Variants in DNAH7 observed in about 807,000 individuals in gnomAD.
The protein encoded by DNAH7 is dynein axonemal heavy chain 7.
DNAH7 carries 397 observed loss-of-function variants against 444.6 expected under a neutral mutation model. That is an observed-to-expected ratio of 0.89 (90% CI 0.82 to 0.97). DNAH7 has a LOEUF of 0.97. Ranked by LOEUF, DNAH7 falls within the 50% of genes least tolerant of loss-of-function variation. DNAH7 has a pLI of 0.00. For missense variants in DNAH7, 4,902 were observed against 4,800.8 expected (o/e 1.02, Z -0.62); for synonymous variants, 1,636 against 1,624.4 (o/e 1.01, Z -0.17).
intron 9 of DNAH7, among the ~76,000 whole-genome samples, chr2:196,016,081 A>G (rs546269998): frequency 1.3e-5 from 2 of 152,166 alleles, no homozygotes; most frequent in Non-Finnish European, 2.9e-5. Flanking sequence ...TGTTTTTTAA[A>G]TTTCAGCTTT....
chr2:195,980,364 T>C (rs547517820), intron 15 of DNAH7, among the ~76,000 whole-genome samples: 129 of 152,290 alleles, frequency 8.5e-4, no homozygotes, highest in African/African-American at 3.0e-3. Context: ...GACTGTAAGT[T>C]TTCTGAGGCT....
intron 12 of DNAH7, among the ~76,000 whole-genome samples, chr2:195,990,531 T>A (rs997729314): frequency 2.0e-5 from 3 of 151,864 alleles, no homozygotes; most frequent in Non-Finnish European, 4.4e-5. Context: ...ATAGTGTACA[T>A]CTGTAGTCCC....
At chr2:195,799,812 A>C (rs1322615047) in intron 54 of DNAH7, among the ~76,000 whole-genome samples, 1 of 152,236 alleles carries the variant, frequency 6.6e-6, no homozygotes, top group African/African-American at 2.4e-5. Context: ...TTCACAACTC[A>C]AAAGTAGAAA....
chr2:195,818,435 T>C (rs747290250), intron 49 of DNAH7, among the ~76,000 whole-genome samples: 1 of 152,222 alleles, frequency 6.6e-6, no homozygotes, highest in Non-Finnish European at 1.5e-5. Context: ...GGGGACCTAA[T>C]TGCTCTTACA....
At chr2:196,035,928 G>C (rs1195718042) in intron 5 of DNAH7, among the ~76,000 whole-genome samples, 1 of 151,958 alleles carries the variant, frequency 6.6e-6, no homozygotes, top group Non-Finnish European at 1.5e-5. Context: ...CCCACTTCTG[G>C]AACCCAAGCT....
At chr2:195,919,997 T>G (rs149917404) in intron 24 of DNAH7, among the ~76,000 whole-genome samples, 171 of 152,226 alleles carry the variant, frequency 1.1e-3, no homozygotes, top group Non-Finnish European at 2.0e-3. Context: ...TGTAGGCCAT[T>G]AAAGCATGGG....
At chr2:195,775,759 G>A (rs1695031672) in intron 60 of DNAH7, 87 bp downstream of exon 60, 1 of 1,394,296 alleles carries the variant, frequency 7.2e-7, no homozygotes, top group African/African-American at 1.5e-5. Context: ...ACAGAATTGT[G>A]TAAGGAAGCC....
chr2:195,954,213 T>G (rs1232076035), intron 19 of DNAH7, among the ~76,000 whole-genome samples: 1 of 152,156 alleles, frequency 6.6e-6, no homozygotes, highest in Admixed American at 6.5e-5. Flanking sequence ...GTATGTGATG[T>G]TCCCCTTCCT....
At position 195,957,255 on chromosome 2, in the gene DNAH7, A is replaced by G; in HGVS notation, c.3078+6T>C. The G allele has an allele frequency of 3.4e-6, 5 of 1,488,148 alleles. No homozygotes were observed. Among genetic ancestry groups the G allele is most frequent in the Non-Finnish European group, 4.5e-6 (5 of 1,107,844 alleles). 92.2% of individuals were successfully genotyped at this position (1,488,148 alleles called of 1,614,324 possible). A position where few individuals can be genotyped will look rare whatever the true frequency, so the allele number is the denominator to read the frequency against. ...TAATGACATTTTTGGAGATTTTTTC[A>G]CCTACCTGCATGACACTTCTCATTA... On this transcript the variant is annotated splice_donor_region_variant and intron_variant, in intron 19 of 64. Coordinates refer to ENST00000312428, the MANE Select transcript of DNAH7 (RefSeq NM_018897.3).
Position 195,777,835 on chromosome 2 carries a change from A to G in DNAH7, c.11029T>C (p.Ser3677Pro), listed in dbSNP as rs781357707. The G allele has an allele frequency of 1.2e-6, 2 of 1,613,914 alleles. No homozygotes were observed. The highest frequency in any genetic ancestry group is 1.7e-6 in the Non-Finnish European group (2 of 1,179,796). Reference sequence around the variant, plus strand: ...GGAGGAACAAAATAGATGCCACTTGAGTCGAACTTATAGTCTGAATTTTCA... The same window carrying G: ...GGAGGAACAAAATAGATGCCACTTGGGTCGAACTTATAGTCTGAATTTTCA... ...LVENSDYKFD[S>P]SGIYFVPPSG... is the part of the protein sequence containing the mutation. Residue 3677 changes from serine (S) to proline (P), a missense_variant, in exon 59 of 65, where the codon TCA becomes CCA. Physicochemically the swap from Ser to Pro is moderately conservative, Grantham distance 74. Coordinates refer to ENST00000312428, the MANE Select transcript of DNAH7 (RefSeq NM_018897.3).
rs1483171138 is a variant in DNAH7 at position 195,845,242 on chromosome 2, T to A, written c.8782-77A>T. 23 of 1,235,890 alleles carry A rather than the reference T, an allele frequency of 1.9e-5. No individual in the cohort carries two copies. In the East Asian group the frequency reaches 5.5e-4, roughly 30 times the overall value. 76.6% of individuals were successfully genotyped at this position (1,235,890 alleles called of 1,614,324 possible). A position where few individuals can be genotyped will look rare whatever the true frequency, so the allele number is the denominator to read the frequency against. ...GCATGCTTTATAATTCCTCAATTTATACTGTATTCATTGAGTCAACAAACC... is the reference window on the plus strand; with the variant it reads ...GCATGCTTTATAATTCCTCAATTTAAACTGTATTCATTGAGTCAACAAACC... On this transcript the variant is annotated intron_variant, in intron 46 of 64. Coordinates refer to ENST00000312428, the MANE Select transcript of DNAH7 (RefSeq NM_018897.3).
chr2:195,779,945 T>A (rs1695291744), intron 58 of DNAH7, among the ~76,000 whole-genome samples: 1 of 152,216 alleles, frequency 6.6e-6, no homozygotes, highest in Non-Finnish European at 1.5e-5. Flanking sequence ...TATACTCTTT[T>A]ATAAACTGAC....
chr2:196,048,995 G>A (rs550464347), intron 3 of DNAH7, among the ~76,000 whole-genome samples: 17 of 152,276 alleles, frequency 1.1e-4, no homozygotes, highest in African/African-American at 2.4e-4. Context: ...TTCTAAAAAC[G>A]CAATGACTAA....
chr2:195,773,442 G>C (rs1332797562), intron 60 of DNAH7, among the ~76,000 whole-genome samples: 1 of 149,372 alleles, frequency 6.7e-6, no homozygotes, highest in East Asian at 1.9e-4. Flanking sequence ...ACAAATCCAG[G>C]TCTATGGTTC....
intron 54 of DNAH7, among the ~76,000 whole-genome samples, chr2:195,802,966 T>C (rs1696546863): frequency 6.6e-6 from 1 of 152,240 alleles, no homozygotes; most frequent in Admixed American, 6.5e-5. Context: ...TTCGTCTTTC[T>C]GTGTCTGACT....
chr2:195,811,106 A>G (rs2124865970), intron 51 of DNAH7, among the ~76,000 whole-genome samples: 1 of 152,340 alleles, frequency 6.6e-6, no homozygotes, highest in South Asian at 2.1e-4. Flanking sequence ...AAGGTGAAAA[A>G]GAAGATTAAA....
chr2:195,832,442 T>C (rs1198692249), intron 48 of DNAH7, among the ~76,000 whole-genome samples: 6 of 151,736 alleles, frequency 4.0e-5, no homozygotes, highest in Non-Finnish European at 8.8e-5. Context: ...TTTTCTTTCT[T>C]TCTTTTTTTT....
chr2:195,798,742 T>C (rs757680330), intron 55 of DNAH7, among the ~76,000 whole-genome samples: 1 of 151,870 alleles, frequency 6.6e-6, no homozygotes, highest in Non-Finnish European at 1.5e-5. Flanking sequence ...GAGACGGGGT[T>C]TCACCGTGTT....
intron 3 of DNAH7, among the ~76,000 whole-genome samples, chr2:196,050,940 C>A (rs925434510): frequency 3.9e-5 from 6 of 152,172 alleles, no homozygotes; most frequent in Non-Finnish European, 5.9e-5. Context: ...GCTAATACTC[C>A]TTTTGCTAAC....
Sources: allele counts gnomAD v4.1 joint callset (sites outside exome capture counted in the v4.1 genomes callset), GRCh38; gene constraint gnomAD v4.1.1; transcripts MANE v1.5; gene names NCBI Gene and HGNC (gene_info 2026-07-23, HGNC 2026-07-21).